CDC42BPG: variants seen among roughly 807,000 people sequenced by gnomAD.
CDC42BPG encodes the protein serine/threonine-protein kinase MRCK gamma.
A neutral mutation model predicts 192.2 loss-of-function variants in CDC42BPG; 157 were observed. The ratio of observed to expected loss-of-function variants is 0.82; its 90% CI spans 0.72 to 0.93. CDC42BPG has a LOEUF of 0.93. Ranked by LOEUF, CDC42BPG falls within the 40% of genes least tolerant of loss-of-function variation. CDC42BPG has a pLI of 0.00. For synonymous variants in CDC42BPG, 981 were observed against 918.5 expected, an observed-to-expected ratio of 1.07 and a Z score of -1.23; for missense variants, 1,992 against 2,122.1, an observed-to-expected ratio of 0.94 and a Z score of 1.20.
intron 12 of CDC42BPG, 57 bp downstream of exon 12, chr11:64,836,370 C>CAACT: frequency 6.3e-7 from 1 of 1,595,134 alleles, no homozygotes; most frequent in South Asian, 1.1e-5. Context: ...GAGCCCAGGG[C>CAACT]CACTCACCCA....
Position 64,840,263 on chromosome 11 carries a change from A to T in CDC42BPG, c.438T>A (p.Leu146=). The T allele has an allele frequency of 6.2e-7, 1 of 1,611,324 alleles. No individual in the cohort carries two copies. Among genetic ancestry groups the T allele is most frequent in the South Asian group, 1.1e-5 (1 of 91,086 alleles). Residue 146 remains leucine (L), a synonymous_variant, in exon 5 of 37, where the codon CTT becomes CTA. Transcript: ENST00000342711. ...CCCCACCAGCATAGTAGTCCATCAC[A>T]AGGTACTGGAGGTGGCGGACAAGAA... The part of the protein sequence containing the change: ...YAFQDEEYLY[L]VMDYYAGGDL...
At chr11:64,838,225 G>T in intron 8 of CDC42BPG, 63 bp from the exon 9 acceptor site, 1 of 1,347,126 alleles carries the variant, frequency 7.4e-7, no homozygotes, top group Non-Finnish European at 1.0e-6. Context: ...CCAAGGCCCA[G>T]GAGCCCCCTG....
intron 28 of CDC42BPG, 190 bp from the exon 29 acceptor site, chr11:64,830,446 C>G (rs894407449): frequency 1.4e-4 from 87 of 630,018 alleles, no homozygotes; most frequent in Non-Finnish European, 2.3e-4. Flanking sequence ...GGGGTGAGGC[C>G]CATCATCTTG....
At chr11:64,827,809 G>A (rs779353706) in intron 30 of CDC42BPG, 26 bp from the exon 31 acceptor site, 4 of 1,570,110 alleles carry the variant, frequency 2.5e-6, no homozygotes. Context: ...GCACCTCTGA[G>A]CTGTTTCCCC....
At chr11:64,843,610 T>C (rs1943376440) in intron 1 of CDC42BPG, among the ~76,000 whole-genome samples, 1 of 152,156 alleles carries the variant, frequency 6.6e-6, no homozygotes, top group African/African-American at 2.4e-5. Context: ...CTTTTCCCCA[T>C]GGCCCGGCAG....
chr11:64,836,641 C>A, intron 11 of CDC42BPG, 98 bp downstream of exon 11: 2 of 1,269,248 alleles, frequency 1.6e-6, no homozygotes, highest in South Asian at 2.6e-5. Flanking sequence ...GTATAAAATG[C>A]TCTCCCAGGA....
In CDC42BPG at chr11:64,834,925, G is replaced by A. The variant is rs1226298627; in HGVS notation, c.2099C>T (p.Ala700Val). 6.2e-6 allele frequency: 10 copies of A among 1,614,022 alleles called. No homozygotes were observed. Among genetic ancestry groups the A allele is most frequent in the Non-Finnish European group, 7.6e-6 (9 of 1,180,038 alleles). ...DEKVSRGYLQ[A>V]LATKMAEELE... ...CTCCTCTGCCATCTTGGTGGCCAGG[G>A]CCTGCAGGTAGCCTCTTGAGACCTT... The change falls in exon 18 of 37, where the codon GCC becomes GTC. Residue 700 changes from alanine to valine, a missense_variant. By Grantham distance (64) the Ala-to-Val change is moderately conservative (BLOSUM62 0). Coordinates refer to ENST00000342711, the MANE Select transcript of CDC42BPG (RefSeq NM_017525.3).
At position 64,838,092 on chromosome 11, in the gene CDC42BPG, G is replaced by A. The variant is rs1592716437; in HGVS notation, c.1196C>T (p.Thr399Ile). The A allele has an allele frequency of 1.3e-6, 2 of 1,551,212 alleles. No individual in the cohort carries two copies. The highest frequency in any genetic ancestry group is 1.7e-6 in the Non-Finnish European group (2 of 1,147,528). The change falls in exon 9 of 37, where the codon ACC (threonine) becomes ATC (isoleucine). Residue 399 changes from threonine (T) to isoleucine (I), a missense_variant. Coordinates refer to ENST00000342711, the MANE Select transcript of CDC42BPG (RefSeq NM_017525.3). ...HHLPFVGFTY[T>I]SGSHSPESSS... is the part of the protein sequence containing the mutation. ...TGAGGACTAGCCTCACCTGCCTGAGGTGTAGGTGAAGCCCACGAATGGCAG... is the reference window on the plus strand; with the variant it reads ...TGAGGACTAGCCTCACCTGCCTGAGATGTAGGTGAAGCCCACGAATGGCAG...
chr11:64,830,562 G>A (rs983138961), intron 28 of CDC42BPG: 51 of 486,384 alleles, frequency 1.0e-4, no homozygotes, highest in South Asian at 7.4e-4. Context: ...CTGAGGAAGC[G>A]AGGAAGTGAT....
At position 64,833,730 on chromosome 11, in the gene CDC42BPG, G is replaced by GTCC; in HGVS notation, c.2565+5_2565+7dup. On this transcript the variant is annotated splice_region_variant and intron_variant, in intron 22 of 36. Coordinates refer to ENST00000342711, the MANE Select transcript of CDC42BPG (RefSeq NM_017525.3). ...CAGGCCCCCTACGATGGACCCACCT[G>GTCC]TCCTCACCCCCATGCGCAGGCTGCG... 1 of 1,613,900 alleles carries GTCC rather than the reference G, an allele frequency of 6.2e-7. No homozygotes were observed. Among genetic ancestry groups the GTCC allele is most frequent in the African/African-American group, 1.3e-5 (1 of 75,072 alleles).
intron 28 of CDC42BPG, 82 bp downstream of exon 28, chr11:64,831,423 G>T: frequency 7.9e-7 from 1 of 1,271,544 alleles, no homozygotes; most frequent in Non-Finnish European, 1.1e-6. Flanking sequence ...ATGGGCAGTA[G>T]CAGTGGCCCT....
chr11:64,834,545 C>T lies in CDC42BPG; in HGVS notation c.2208G>A (p.Lys736=), dbSNP rs751032792. ...DHQWKARRLQ[K]MEASARLELQ... ...GCTCCAGCCTGGCCGAGGCCTCCATCTTCTGCAGTCGCCGCGCCTTCCACT... is the reference window on the plus strand; with the variant it reads ...GCTCCAGCCTGGCCGAGGCCTCCATTTTCTGCAGTCGCCGCGCCTTCCACT... Residue 736 remains lysine (K), a synonymous_variant, in exon 19 of 37, where the codon AAG becomes AAA. Coordinates refer to ENST00000342711, the MANE Select transcript of CDC42BPG (RefSeq NM_017525.3). 5 of 1,584,702 alleles carry T rather than the reference C, an allele frequency of 3.2e-6. No homozygotes were observed. Among genetic ancestry groups the T allele is most frequent in the Non-Finnish European group, 4.3e-6 (5 of 1,162,162 alleles).
In CDC42BPG at chr11:64,829,977, C is replaced by A; in HGVS notation, c.3461G>T (p.Ser1154Ile). The A allele has an allele frequency of 1.2e-6, 2 of 1,612,898 alleles. No homozygotes were observed. Among genetic ancestry groups the A allele is most frequent in the Non-Finnish European group, 1.7e-6 (2 of 1,179,866 alleles). The change falls in exon 30 of 37, where the codon AGC (serine) becomes ATC (isoleucine). Residue 1154 changes from serine to isoleucine, a missense_variant. Ser to Ile is a moderately radical substitution (Grantham distance 142). Around this residue, in one of 2 missense-constraint regions of CDC42BPG, gnomAD observed 1,656 missense variants for 1,844.3 expected, o/e 0.90. Transcript: ENST00000342711. Reference sequence around the variant, plus strand: ...CTCCGCCAGGGCAAAGAGACGCACGCTGGGGCCGCGGCCACACAGCACGAC... The same window carrying A: ...CTCCGCCAGGGCAAAGAGACGCACGATGGGGCCGCGGCCACACAGCACGAC... ...LLVVLCGRGPSVRLFALAELE... is the reference protein window; with the variant it reads ...LLVVLCGRGPIVRLFALAELE...
Position 64,831,596 on chromosome 11 carries a change from C to T in CDC42BPG, c.3213G>A (p.Ala1071=), listed in dbSNP as rs1213599205. 11 of 1,612,204 alleles carry T rather than the reference C, an allele frequency of 6.8e-6. No homozygotes were observed. Among genetic ancestry groups the T allele is most frequent in the Admixed American group, 3.3e-5 (2 of 60,006 alleles). Residue 1071 remains alanine (A), a synonymous_variant, in exon 28 of 37, where the codon GCG becomes GCA. Coordinates refer to ENST00000342711, the MANE Select transcript of CDC42BPG (RefSeq NM_017525.3). ...LGELQRLLLD[A]RPRPRPVYTL... ...TGTACACGGGCCGGGGTCTTGGCCG[C>T]GCGTCCAGCAGCAGCCGCTGCAGCT... is the stretch of plus-strand genomic sequence containing the variant.
chr11:64,837,959 C>A (rs1943095140), intron 9 of CDC42BPG, 124 bp downstream of exon 9: 2 of 818,028 alleles, frequency 2.4e-6, no homozygotes, highest in Non-Finnish European at 4.1e-6. Context: ...AGAGCACCTG[C>A]CACATGCAGA....
chr11:64,840,108 T>C lies in CDC42BPG; in HGVS notation c.581+12A>G. 6.2e-7 allele frequency: 1 copy of C among 1,608,460 alleles called. No individual in the cohort carries two copies. The highest frequency in any genetic ancestry group is 8.5e-7 in the Non-Finnish European group (1 of 1,177,910). On this transcript the variant is annotated intron_variant, in intron 5 of 36. Coordinates refer to ENST00000342711, the MANE Select transcript of CDC42BPG (RefSeq NM_017525.3). ...AGCGGGGTTGGGCAGGGCAGCGGGG[T>C]TGGGGCCCCACCTGTGGACATAACC...
rs779650631 is a variant in CDC42BPG, at chr11:64,832,887, CGGA to C, written c.2801_2803del (p.Leu934del). 2.6e-5 allele frequency: 40 copies of C among 1,553,996 alleles called. No individual in the cohort carries two copies. In the Middle Eastern group the frequency reaches 5.1e-4, roughly 20 times the overall value. On this transcript the variant is annotated inframe_deletion, in exon 25 of 37. Transcript: ENST00000342711. ...TTCGGGGTGTACTCCCAGGGCTGTG[CGGA>C]GGAGGTCAGGGGGCACGGGGCAGGG...
intron 18 of CDC42BPG, 53 bp downstream of exon 18, chr11:64,834,795 CG>C (rs2136314402): frequency 6.5e-7 from 1 of 1,539,858 alleles, no homozygotes; most frequent in Admixed American, 1.7e-5. Flanking sequence ...GCTGAGCTCA[CG>C]GAAGGTCAGT....
Position 64,835,486 on chromosome 11 carries a change from G to C in CDC42BPG, c.1880+14C>G. The C allele has an allele frequency of 6.2e-7, 1 of 1,605,644 alleles. No individual in the cohort carries two copies. Among genetic ancestry groups the C allele is most frequent in the East Asian group, 2.2e-5 (1 of 44,804 alleles). The stretch of plus-strand genomic sequence containing the variant: ...CAGGCCCGGCCCCTCCCTGCCACCA[G>C]CTGCCTGGCTCACCTGTGGCTGTGG... On this transcript the variant is annotated intron_variant, in intron 15 of 36. Coordinates refer to ENST00000342711, the MANE Select transcript of CDC42BPG (RefSeq NM_017525.3).
Sources: gnomAD v4.1 joint callset for allele counts (sites outside exome capture counted in the v4.1 genomes callset) on GRCh38, gnomAD v4.1.1 for gene constraint, gnomAD v4.1.1 regional missense constraint, MANE v1.5 for transcripts, NCBI Gene and HGNC (gene_info 2026-07-23, HGNC 2026-07-21) for gene names.